The following FSBP variants were observed in gnomAD, a reference collection of about 807,000 sequenced individuals.
FSBP encodes the protein fibrinogen silencer binding protein, also known as fibrinogen silencer-binding protein.
In FSBP, 18 loss-of-function variants were observed where a neutral mutation model predicts 24.6. The observed-to-expected ratio is 0.73, with a 90% CI of 0.51 to 1.08. The LOEUF (loss-of-function observed/expected upper bound fraction) is 1.08, where lower values mean the gene tolerates loss of function less well. Among genes scored for constraint, FSBP ranks in the 50% least tolerant of loss-of-function variants. The pLI, the probability that FSBP is intolerant of heterozygous loss-of-function variation, is 0.00. For missense variants in FSBP, 305 were observed against 347.6 expected (o/e 0.88, Z 0.98); for synonymous variants, 110 against 125.8 (o/e 0.87, Z 0.84).
At position 94,428,324 on chromosome 8, in the gene FSBP, G is replaced by GAT. The variant is rs1811995834; in HGVS notation, c.*3805_*3806dup. 6.1e-6 allele frequency: 6 copies of GAT among 983,384 alleles called. No individual in the cohort carries two copies. In the South Asian group the frequency reaches 2.4e-4, roughly 39 times the overall value. The allele number at this position is 983,384 out of a possible 1,614,324, so 60.9% of individuals were successfully genotyped here. On this transcript the variant is annotated 3_prime_UTR_variant, in exon 2 of 2. Coordinates refer to ENST00000481490, the MANE Select transcript of FSBP (RefSeq NM_001256141.2). Reference sequence around the variant, plus strand: ...TCATGGACCCCAAACAATTGTCTATGATATGCAAGATGTCTGGTGGCTTAA... The same window carrying GAT: ...TCATGGACCCCAAACAATTGTCTATGATATATGCAAGATGTCTGGTGGCTTAA...
intron 1 of FSBP, 55 bp downstream of exon 1, chr8:94,436,440 G>T: frequency 6.8e-7 from 1 of 1,473,994 alleles, no homozygotes. Flanking sequence ...CTAAGCCAAA[G>T]CCCAATAGAT....
chr8:94,435,290 A>AT (rs562471867), intron 1 of FSBP, among the ~76,000 whole-genome samples: 1 of 151,738 alleles, frequency 6.6e-6, no homozygotes, highest in Admixed American at 6.6e-5. Flanking sequence ...CACTGGTGAT[A>AT]TTTTTTTTAC....
Position 94,429,336 on chromosome 8 carries a change from C to T in FSBP, c.*2795G>A, listed in dbSNP as rs1012610773. The T allele has an allele frequency of 1.7e-5, 9 of 525,370 alleles. No homozygotes were observed. The African/African-American group carries it at 1.9e-4, about 11-fold the overall frequency. The allele number at this position is 525,370 out of a possible 1,614,324, so 32.5% of individuals were successfully genotyped here. A position where few individuals can be genotyped will look rare whatever the true frequency, so the allele number is the denominator to read the frequency against. On this transcript the variant is annotated 3_prime_UTR_variant, in exon 2 of 2. Transcript: ENST00000481490. ...CTATTTTGTATATACATAATTTTTA[C>T]CTTCCACAATTATTTTAGAACCTAA...
Position 94,432,627 on chromosome 8 carries a change from C to T in FSBP, c.404G>A (p.Gly135Asp). ...CAACATTACCTGTAGTGAACTGGTACCAGCCTGTGCCTCCTCATCCAAGTT... is the reference window on the plus strand; with the variant it reads ...CAACATTACCTGTAGTGAACTGGTATCAGCCTGTGCCTCCTCATCCAAGTT... Reference protein sequence around the residue: ...SANLDEEAQAGTSSLQVMLDH... With the variant: ...SANLDEEAQADTSSLQVMLDH... The change falls in exon 2 of 2, where the codon GGT (glycine) becomes GAT (aspartate). Residue 135 changes from glycine (G) to aspartate (D), a missense_variant. Transcript: ENST00000481490. 1.3e-6 allele frequency: 2 copies of T among 1,541,394 alleles called. No individual in the cohort carries two copies. Among genetic ancestry groups the T allele is most frequent in the Non-Finnish European group, 1.8e-6 (2 of 1,141,860 alleles).
Position 94,432,352 on chromosome 8 carries a change from A to C in FSBP, c.679T>G (p.Ser227Ala). 6.4e-7 allele frequency: 1 copy of C among 1,550,406 alleles called. No homozygotes were observed. The highest frequency in any genetic ancestry group is 8.7e-7 in the Non-Finnish European group (1 of 1,146,872). Reference protein sequence around the residue: ...FRHESGEHFRSLLGYDPQILQ... With the variant: ...FRHESGEHFRALLGYDPQILQ... ...ATCTGAGGATCATACCCTAATAGTG[A>C]CCTAAAGTGTTCACCACTCTCATGC... The change falls in exon 2 of 2, where the codon TCA becomes GCA. Residue 227 changes from serine to alanine, a missense_variant. Transcript: ENST00000481490.
rs911461064 is a variant in FSBP at position 94,429,608 on chromosome 8, T to C, written c.*2523A>G. The C allele has an allele frequency of 1.0e-6, 1 of 983,374 alleles. No individual in the cohort carries two copies. The highest frequency in any genetic ancestry group is 1.7e-5 in the African/African-American group (1 of 57,198). The allele number at this position is 983,374 out of a possible 1,614,324, so 60.9% of individuals were successfully genotyped here. On this transcript the variant is annotated 3_prime_UTR_variant, in exon 2 of 2. Coordinates refer to ENST00000481490, the MANE Select transcript of FSBP (RefSeq NM_001256141.2). ...AATAAAGCTTACTACTGCCAAGATG[T>C]GTTTACTAGAATTATACTGGGAAAC...
In FSBP at chr8:94,431,352, C is replaced by G. The variant is rs920189436; in HGVS notation, c.*779G>C. 105 of 984,188 alleles carry G rather than the reference C, an allele frequency of 1.1e-4. No individual in the cohort carries two copies. In the African/African-American group the frequency reaches 1.6e-3, roughly 15 times the overall value. 61.0% of individuals were successfully genotyped at this position (984,188 alleles called of 1,614,324 possible). On this transcript the variant is annotated 3_prime_UTR_variant, in exon 2 of 2. Transcript: ENST00000481490. ...GAATACCTTATCTATTTTGCTGGAA[C>G]AAAAATAGAGAGAGAATGGGGGTAA... is the stretch of plus-strand genomic sequence containing the variant.
Position 94,429,037 on chromosome 8 carries a change from A to G in FSBP, c.*3094T>C. On this transcript the variant is annotated 3_prime_UTR_variant, in exon 2 of 2. Transcript: ENST00000481490. ...GTAGACAATGAGGAGAATTATATGC[A>G]TTTAAACTTTTGCAAATTAAAAGTA... 1.0e-6 allele frequency: 1 copy of G among 984,672 alleles called. No individual in the cohort carries two copies. 61.0% of individuals were successfully genotyped at this position (984,672 alleles called of 1,614,324 possible). A position where few individuals can be genotyped will look rare whatever the true frequency, so the allele number is the denominator to read the frequency against.
chr8:94,433,842 A>G (rs1812187241), intron 1 of FSBP, among the ~76,000 whole-genome samples: 2 of 151,980 alleles, frequency 1.3e-5, no homozygotes. Flanking sequence ...AATTAAAAGA[A>G]TACATTCTAC....
At chr8:94,435,513 G>A (rs553989127) in intron 1 of FSBP, among the ~76,000 whole-genome samples, 6 of 152,042 alleles carry the variant, frequency 3.9e-5, no homozygotes, top group African/African-American at 1.4e-4. Context: ...AGCTTTGTTT[G>A]AAAGGCTCCT....
chr8:94,433,396 T>C (rs952035690), intron 1 of FSBP, among the ~76,000 whole-genome samples: 10 of 152,056 alleles, frequency 6.6e-5, no homozygotes, highest in African/African-American at 2.4e-4. Flanking sequence ...ACCTAGCAGG[T>C]ACTGTACTTA....
Position 94,427,809 on chromosome 8 carries a change from T to A in FSBP, c.*4322A>T. 2 of 959,158 alleles carry A rather than the reference T, an allele frequency of 2.1e-6. No homozygotes were observed. Among genetic ancestry groups the A allele is most frequent in the Non-Finnish European group, 2.5e-6 (2 of 806,180 alleles). 59.4% of individuals were successfully genotyped at this position (959,158 alleles called of 1,614,324 possible). On this transcript the variant is annotated 3_prime_UTR_variant, in exon 2 of 2. Coordinates refer to ENST00000481490, the MANE Select transcript of FSBP (RefSeq NM_001256141.2). ...ATATATTAAACACAATTTATTACAC[T>A]CTAAGTTATTTAAACATGTGTATTT... is the stretch of plus-strand genomic sequence containing the variant.
At chr8:94,436,175 A>C (rs994020181) in intron 1 of FSBP, among the ~76,000 whole-genome samples, 1 of 152,160 alleles carries the variant, frequency 6.6e-6, no homozygotes, top group Non-Finnish European at 1.5e-5. Context: ...TCTCAGAAGC[A>C]AACTAAATAA....
Position 94,428,094 on chromosome 8 carries a change from C to G in FSBP, c.*4037G>C, listed in dbSNP as rs1811989533. The G allele has an allele frequency of 7.4e-6, 7 of 942,490 alleles. No homozygotes were observed. Among genetic ancestry groups the G allele is most frequent in the Non-Finnish European group, 8.8e-6 (7 of 791,146 alleles). The allele number at this position is 942,490 out of a possible 1,614,324, so 58.4% of individuals were successfully genotyped here. On this transcript the variant is annotated 3_prime_UTR_variant, in exon 2 of 2. Coordinates refer to ENST00000481490, the MANE Select transcript of FSBP (RefSeq NM_001256141.2). Reference sequence around the variant, plus strand: ...TAGTTTAGAAAATCATAAGTTGTAACAACATATCCATTACATTCATATGGA... The same window carrying G: ...TAGTTTAGAAAATCATAAGTTGTAAGAACATATCCATTACATTCATATGGA...
At position 94,427,810 on chromosome 8, in the gene FSBP, C is replaced by CT. The variant is rs1465728508; in HGVS notation, c.*4320dup. ...TATATTAAACACAATTTATTACACT[C>CT]TAAGTTATTTAAACATGTGTATTTA... On this transcript the variant is annotated 3_prime_UTR_variant, in exon 2 of 2. Transcript: ENST00000481490. 1 of 959,350 alleles carries CT rather than the reference C, an allele frequency of 1.0e-6. No individual in the cohort carries two copies. The allele number at this position is 959,350 out of a possible 1,614,324, so 59.4% of individuals were successfully genotyped here. A position where few individuals can be genotyped will look rare whatever the true frequency, so the allele number is the denominator to read the frequency against.
intron 1 of FSBP, among the ~76,000 whole-genome samples, chr8:94,433,658 T>A (rs142392716): frequency 1.3e-5 from 2 of 152,072 alleles, no homozygotes; most frequent in East Asian, 3.9e-4. Flanking sequence ...TAATTTTATG[T>A]ATAACGTGAA....
In FSBP at chr8:94,436,819, T is replaced by G. The variant is rs189117544; in HGVS notation, c.50A>C (p.Asp17Ala). 3.4e-5 allele frequency: 53 copies of G among 1,546,906 alleles called. No individual in the cohort carries two copies. The highest frequency in any genetic ancestry group is 4.3e-5 in the Non-Finnish European group (49 of 1,145,848). Residue 17 changes from aspartate to alanine, a missense_variant, in exon 1 of 2, where the codon GAT (aspartate) becomes GCT (alanine). Transcript: ENST00000481490. ...SSNFTLSEKL[D>A]LLKLVKPYVK... ...ATATGGCTTCACAAGCTTTAGCAAA[T>G]CAAGCTTTTCGGATAAGGTAAAATT...
intron 1 of FSBP, among the ~76,000 whole-genome samples, chr8:94,434,534 T>A (rs767997926): frequency 6.6e-6 from 1 of 151,922 alleles, no homozygotes; most frequent in Non-Finnish European, 1.5e-5. Context: ...TTTTTAAGTA[T>A]GTTAACGCAA....
rs1188228280 is a variant in FSBP, at chr8:94,432,185, C to T, written c.846G>A (p.Glu282=). 6.5e-7 allele frequency: 1 copy of T among 1,550,236 alleles called. No homozygotes were observed. The highest frequency in any genetic ancestry group is 1.2e-5 in the South Asian group (1 of 84,046). Residue 282 remains glutamate, a synonymous_variant, in exon 2 of 2, where the codon GAG becomes GAA. Transcript: ENST00000481490. ...GCCGTAAGCGAATTGCTTTCAGCTT[C>T]TCCACTTCAATTTTTGCTCTTAGTA... ...EELLRAKIEV[E]KLKAIRLRHD... is the part of the protein sequence containing the mutation.
Sources: gnomAD v4.1 joint callset for allele counts (sites outside exome capture counted in the v4.1 genomes callset) on GRCh38, gnomAD v4.1.1 for gene constraint, MANE v1.5 for transcripts, NCBI Gene and HGNC (gene_info 2026-07-23, HGNC 2026-07-21) for gene names.